The following IHO1 variants were observed in gnomAD, a reference collection of about 807,000 sequenced individuals.
IHO1 encodes interactor of HORMAD1 protein 1.
In IHO1, 13 loss-of-function variants were observed where a neutral mutation model predicts 31.0. The observed-to-expected ratio is 0.42, with a 90% CI of 0.27 to 0.67. IHO1 has a LOEUF of 0.67. Among genes scored for constraint, IHO1 ranks in the 30% least tolerant of loss-of-function variants. The probability of loss-of-function intolerance (pLI) is 0.24; values close to 1 mark genes in which losing one functional copy is unlikely to be tolerated. For missense variants in IHO1, 599 were observed against 687.5 expected (o/e 0.87, Z 1.44); for synonymous variants, 221 against 248.4 (o/e 0.89, Z 1.04).
intron 3 of IHO1, among the ~76,000 whole-genome samples, chr3:49,239,189 C>T (rs561236063): frequency 1.1e-3 from 170 of 152,104 alleles, no homozygotes; most frequent in African/African-American, 4.0e-3. Context: ...CTAGGCTGGT[C>T]TCAAACTCCT....
intron 2 of IHO1, among the ~76,000 whole-genome samples, chr3:49,216,915 A>T (rs1003835896): frequency 2.0e-4 from 30 of 152,260 alleles, no homozygotes; most frequent in Admixed American, 6.5e-4. Context: ...CGTCAGAGAA[A>T]TGCAAGTCAA....
At chr3:49,212,457 G>T (rs992777742) in intron 2 of IHO1, among the ~76,000 whole-genome samples, 1 of 149,766 alleles carries the variant, frequency 6.7e-6, no homozygotes, top group African/African-American at 2.5e-5. Context: ...CGGAGCTTGT[G>T]GTGGGCTGAG....
intron 2 of IHO1, among the ~76,000 whole-genome samples, chr3:49,229,822 T>A (rs1250538801): frequency 6.6e-6 from 1 of 152,210 alleles, no homozygotes; most frequent in South Asian, 2.1e-4. Flanking sequence ...CCTGGGACTA[T>A]TCAACCAATT....
chr3:49,236,585 G>T lies in IHO1; in HGVS notation c.94G>T (p.Asp32Tyr). ...KSSNWNNNQNDYSSLSDSQFL... is the reference protein window; with the variant it reads ...KSSNWNNNQNYYSSLSDSQFL... ...ATCCAACTGGAATAATAATCAAAAT[G>T]ATTATTCCAGTCTCAGTGATTCCCA... Residue 32 changes from aspartate (D) to tyrosine (Y), a missense_variant, in exon 3 of 8, where the codon GAT becomes TAT. Transcript: ENST00000452691. 6.2e-7 allele frequency: 1 copy of T among 1,611,454 alleles called. No homozygotes were observed. Among genetic ancestry groups the T allele is most frequent in the Non-Finnish European group, 8.5e-7 (1 of 1,178,422 alleles).
chr3:49,247,598 G>A (rs1433852988), intron 6 of IHO1, among the ~76,000 whole-genome samples: 1 of 151,434 alleles, frequency 6.6e-6, no homozygotes, highest in African/African-American at 2.4e-5. Context: ...AGACCAGCCT[G>A]GGAAACATAA....
chr3:49,203,939 G>A (rs572503730), intron 1 of IHO1, among the ~76,000 whole-genome samples: 18 of 152,234 alleles, frequency 1.2e-4, no homozygotes, highest in African/African-American at 4.1e-4. Context: ...GAAGTTATGA[G>A]GATCTTGGCT....
chr3:49,235,913 G>C (rs1420677398), intron 2 of IHO1, among the ~76,000 whole-genome samples: 4 of 138,130 alleles, frequency 2.9e-5, no homozygotes, highest in Non-Finnish European at 4.6e-5. Context: ...CTGGGCAACA[G>C]AGTGAGACTC....
At position 49,256,005 on chromosome 3, in the gene IHO1, C is replaced by T. The variant is rs2046817280; in HGVS notation, c.637-129C>T. 2.5e-6 allele frequency: 2 copies of T among 791,224 alleles called. No individual in the cohort carries two copies. Among genetic ancestry groups the T allele is most frequent in the East Asian group, 2.5e-5 (1 of 40,304 alleles). 49.0% of individuals were successfully genotyped at this position (791,224 alleles called of 1,614,324 possible). ...CAACTCCCGAGTGTAATTGTGCTTA[C>T]CCTGAGAGGTTCCCTACAAGGAGCA... is the stretch of plus-strand genomic sequence containing the variant. On this transcript the variant is annotated intron_variant, in intron 7 of 7. Coordinates refer to ENST00000452691, the MANE Select transcript of IHO1 (RefSeq NM_001135197.2). The surrounding 1 kb of genome is among the most constrained non-coding windows in gnomAD (Gnocchi z 4.6).
chr3:49,211,874 A>C, intron 2 of IHO1, 38 bp downstream of exon 2: 1 of 1,263,214 alleles, frequency 7.9e-7, no homozygotes, highest in Non-Finnish European at 1.2e-6. Flanking sequence ...CCTTAAGAGG[A>C]TTTTCTGGCC....
At chr3:49,222,279 G>A (rs1265824179) in intron 2 of IHO1, among the ~76,000 whole-genome samples, 1 of 152,164 alleles carries the variant, frequency 6.6e-6, no homozygotes, top group Non-Finnish European at 1.5e-5. Context: ...CATTTGCCAG[G>A]GAAGGATTGG....
chr3:49,210,029 CTTT>C (rs966102422), intron 1 of IHO1, among the ~76,000 whole-genome samples: 2 of 136,570 alleles, frequency 1.5e-5, no homozygotes, highest in Non-Finnish European at 3.2e-5. Flanking sequence ...TTCTTTCTTT[CTTT>C]TTTTTTTTTT....
rs752854751 is a variant in IHO1, at chr3:49,256,916, C to T, written c.1419C>T (p.Ser473=). ...QIPIQTCKFN[S]KYQSPQPAIS... ...CAATCCAGACCTGTAAATTCAATTC[C>T]AAATATCAGAGTCCTCAGCCTGCAA... is the stretch of plus-strand genomic sequence containing the variant. Residue 473 remains serine, a synonymous_variant, in exon 8 of 8, where the codon TCC becomes TCT. Coordinates refer to ENST00000452691, the MANE Select transcript of IHO1 (RefSeq NM_001135197.2). This position sits in a 1 kb window ranked among gnomAD's most constrained non-coding sequence, Gnocchi z 4.6. 4 of 1,614,094 alleles carry T rather than the reference C, an allele frequency of 2.5e-6. No individual in the cohort carries two copies. Among genetic ancestry groups the T allele is most frequent in the East Asian group, 2.2e-5 (1 of 44,906 alleles).
At chr3:49,249,596 G>T (rs893667633) in intron 6 of IHO1, among the ~76,000 whole-genome samples, 15 of 152,154 alleles carry the variant, frequency 9.9e-5, no homozygotes, top group Non-Finnish European at 4.4e-5. Context: ...ATTTTAGAAT[G>T]GGAAAAGCCT....
At chr3:49,212,493 G>A (rs1251837085) in intron 2 of IHO1, among the ~76,000 whole-genome samples, 1 of 150,210 alleles carries the variant, frequency 6.7e-6, no homozygotes, top group Non-Finnish European at 1.5e-5. Flanking sequence ...TCTAGCCTGG[G>A]CAACAGAGTG....
At chr3:49,250,381 C>T (rs773028535) in intron 6 of IHO1, among the ~76,000 whole-genome samples, 1 of 152,140 alleles carries the variant, frequency 6.6e-6, no homozygotes. Flanking sequence ...AAAGAGAAGA[C>T]GCCAAACATA....
In IHO1 at chr3:49,256,289, T is replaced by A; in HGVS notation, c.792T>A (p.Pro264=). The stretch of plus-strand genomic sequence containing the variant: ...AGCTGAAGAGATTGATCTCAGTGCC[T>A]CCAGTGAAAGACAGTGCTTCTCAGA... The part of the protein sequence containing the change: ...LAELKRLISV[P]PVKDSASQTS... The change falls in exon 8 of 8, where the codon CCT becomes CCA. Residue 264 remains proline (P), a synonymous_variant. Coordinates refer to ENST00000452691, the MANE Select transcript of IHO1 (RefSeq NM_001135197.2). This position sits in a 1 kb window ranked among gnomAD's most constrained non-coding sequence, Gnocchi z 4.6. 1 of 1,614,132 alleles carries A rather than the reference T, an allele frequency of 6.2e-7. No individual in the cohort carries two copies. The highest frequency in any genetic ancestry group is 1.6e-4 in the Middle Eastern group (1 of 6,062).
chr3:49,242,824 AC>A (rs1458963135), intron 4 of IHO1, among the ~76,000 whole-genome samples: 2 of 152,296 alleles, frequency 1.3e-5, no homozygotes, highest in East Asian at 1.9e-4. Context: ...AAGCAAAAAA[AC>A]AACAACAACA....
chr3:49,230,756 C>G (rs928405944), intron 2 of IHO1, among the ~76,000 whole-genome samples: 1 of 152,066 alleles, frequency 6.6e-6, no homozygotes, highest in African/African-American at 2.4e-5. Context: ...TACTATTGTG[C>G]CACAGAAAGT....
chr3:49,247,894 G>A (rs1455991620), intron 6 of IHO1, among the ~76,000 whole-genome samples: 1 of 152,054 alleles, frequency 6.6e-6, no homozygotes, highest in Admixed American at 6.6e-5. Context: ...GGAGGCCAAG[G>A]CAGGTGAATC....
Sources: gnomAD v4.1 joint callset for allele counts (sites outside exome capture counted in the v4.1 genomes callset) on GRCh38, gnomAD v4.1.1 for gene constraint, Gnocchi (gnomAD v3.1) non-coding constraint, MANE v1.5 for transcripts, NCBI Gene and HGNC (gene_info 2026-07-23, HGNC 2026-07-21) for gene names.